Variants in B4GALT1 observed in about 807,000 individuals in gnomAD.
The protein encoded by B4GALT1 is N-acetyllactosamine synthase.
In B4GALT1, 16 loss-of-function variants were observed where a neutral mutation model predicts 34.9. That is an observed-to-expected ratio of 0.46 (90% CI 0.31 to 0.70). The LOEUF is 0.70. Ranked by LOEUF, B4GALT1 falls within the 30% of genes least tolerant of loss-of-function variation. The pLI is 0.05. For synonymous variants in B4GALT1, 221 were observed against 218.1 expected (o/e 1.01, Z -0.12); for missense variants, 445 against 530.5 (o/e 0.84, Z 1.58).
chr9:33,165,971 A>T (rs1159231016), intron 1 of B4GALT1, among the ~76,000 whole-genome samples: 1 of 152,148 alleles, frequency 6.6e-6, no homozygotes, highest in Non-Finnish European at 1.5e-5. Context: ...TTGACTGGTT[A>T]TATTTTAGCC....
intron 2 of B4GALT1, among the ~76,000 whole-genome samples, chr9:33,128,044 T>C (rs1840138395): frequency 6.6e-6 from 1 of 152,006 alleles, no homozygotes; most frequent in Non-Finnish European, 1.5e-5. Flanking sequence ...ACCAGGGTGG[T>C]GGTGGCAGCG....
At chr9:33,126,015 G>A (rs371448762) in intron 2 of B4GALT1, among the ~76,000 whole-genome samples, 4 of 152,144 alleles carry the variant, frequency 2.6e-5, no homozygotes, top group Admixed American at 1.3e-4. Flanking sequence ...GAACTTCTAC[G>A]TGATAAGAGA....
intron 1 of B4GALT1, among the ~76,000 whole-genome samples, chr9:33,140,056 A>G (rs1046737002): frequency 1.3e-5 from 2 of 152,256 alleles, no homozygotes; most frequent in African/African-American, 4.8e-5. Flanking sequence ...AGCTCAATTC[A>G]GACAAATTCC....
intron 1 of B4GALT1, among the ~76,000 whole-genome samples, chr9:33,143,252 G>A (rs961047504): frequency 7.9e-5 from 12 of 152,212 alleles, no homozygotes. Context: ...GGCACAGTGG[G>A]GCCAGGTGCT....
At chr9:33,147,437 G>C (rs1293072270) in intron 1 of B4GALT1, among the ~76,000 whole-genome samples, 1 of 152,048 alleles carries the variant, frequency 6.6e-6, no homozygotes, top group Admixed American at 6.6e-5. Context: ...CATAGAGACA[G>C]GGTTTCACCG....
chr9:33,183,664 G>T, the B4GALT1 span, among the ~76,000 whole-genome samples: 1 of 144,104 alleles, frequency 6.9e-6, no homozygotes, highest in African/African-American at 2.6e-5. Context: ...GATAGCATTG[G>T]GAGATATACC....
At chr9:33,105,559 C>T (rs888857862) in intron 2 of B4GALT1, among the ~76,000 whole-genome samples, 1 of 152,202 alleles carries the variant, frequency 6.6e-6, no homozygotes, top group Admixed American at 6.5e-5. Context: ...CACCACCATC[C>T]ATTTCCAGAA....
upstream of B4GALT1, among the ~76,000 whole-genome samples, chr9:33,171,842 A>G (rs978518781): frequency 1.3e-5 from 2 of 152,212 alleles, no homozygotes; most frequent in African/African-American, 4.8e-5. Flanking sequence ...AGCATGAGCC[A>G]TTTCACCTGG....
At chr9:33,176,258 T>G in the B4GALT1 span, among the ~76,000 whole-genome samples, 1 of 152,360 alleles carries the variant, frequency 6.6e-6, no homozygotes, top group East Asian at 1.9e-4. Flanking sequence ...CTTTTCATGT[T>G]GAACTATCTT....
rs868044064 is a variant in B4GALT1, at chr9:33,113,849, C to A, written c.989G>T (p.Arg330Leu). ...ACACCTCCCGACCACAGCATTTGGGCGAGATATAGACATGCCTCTAAAAAC... is the reference window on the plus strand; with the variant it reads ...ACACCTCCCGACCACAGCATTTGGGAGAGATATAGACATGCCTCTAAAAAC... ...RLVFRGMSIS[R>L]PNAVVGRCRM... Residue 330 changes from arginine (R) to leucine (L), a missense_variant, in exon 5 of 6, where the codon CGC becomes CTC. Physicochemically the swap from Arg to Leu is moderately radical, Grantham distance 102 (BLOSUM62 -2). This residue lies in a region of B4GALT1 where 89 missense variants were observed against 107.6 expected (regional missense o/e 0.83). Transcript: ENST00000379731. 1 of 1,614,104 alleles carries A rather than the reference C, an allele frequency of 6.2e-7. No individual in the cohort carries two copies. The highest frequency in any genetic ancestry group is 8.5e-7 in the Non-Finnish European group (1 of 1,180,018).
At chr9:33,137,052 T>C (rs938388857) in intron 1 of B4GALT1, among the ~76,000 whole-genome samples, 3 of 152,184 alleles carry the variant, frequency 2.0e-5, no homozygotes, top group Non-Finnish European at 4.4e-5. Flanking sequence ...AGGTCCACCA[T>C]CACAGGACCT....
chr9:33,129,700 T>C (rs1455120587), intron 2 of B4GALT1, among the ~76,000 whole-genome samples: 4 of 152,190 alleles, frequency 2.6e-5, no homozygotes, highest in Non-Finnish European at 4.4e-5. Flanking sequence ...CAGAAAGTTC[T>C]GAGCAGCCTG....
At chr9:33,176,309 A>G in the B4GALT1 span, among the ~76,000 whole-genome samples, 1 of 152,170 alleles carries the variant, frequency 6.6e-6, no homozygotes, top group Non-Finnish European at 1.5e-5. Flanking sequence ...ACACTGGTAC[A>G]ATTCTTGTAG....
intron 1 of B4GALT1, among the ~76,000 whole-genome samples, chr9:33,160,690 C>T (rs1433912129): frequency 2.6e-5 from 4 of 151,778 alleles, no homozygotes; most frequent in Non-Finnish European, 5.9e-5. Context: ...TCGCTTAGCC[C>T]GAGAGGTCGA....
At chr9:33,109,314 A>G (rs928135452), downstream of B4GALT1, among the ~76,000 whole-genome samples, 7 of 152,192 alleles carry the variant, frequency 4.6e-5, no homozygotes, top group Non-Finnish European at 8.8e-5. Context: ...AGGGCATGGA[A>G]GCTTCTCTCC....
intron 1 of B4GALT1, among the ~76,000 whole-genome samples, chr9:33,164,963 T>A (rs1414970287): frequency 7.6e-6 from 1 of 131,344 alleles, no homozygotes; most frequent in Non-Finnish European, 1.5e-5. Context: ...GTGTATTGAG[T>A]GCCCGTATTT....
At chr9:33,135,888 GAA>G (rs1840261596) in intron 1 of B4GALT1, among the ~76,000 whole-genome samples, 2 of 121,546 alleles carry the variant, frequency 1.6e-5, no homozygotes, top group African/African-American at 6.1e-5. Context: ...CCTAACTGGG[GAA>G]GTGTGTGTGT....
chr9:33,128,302 A>G (rs1206064562), intron 2 of B4GALT1, among the ~76,000 whole-genome samples: 1 of 152,208 alleles, frequency 6.6e-6, no homozygotes, highest in Non-Finnish European at 1.5e-5. Flanking sequence ...GGTGAGGAAA[A>G]GAGAGGCAAA....
At chr9:33,137,786 G>A (rs1032403626) in intron 1 of B4GALT1, among the ~76,000 whole-genome samples, 1 of 152,144 alleles carries the variant, frequency 6.6e-6, no homozygotes, top group Admixed American at 6.5e-5. Context: ...TAGGGCTTTC[G>A]GGCAAAGAGG....
Sources: gnomAD v4.1 joint callset for allele counts (sites outside exome capture counted in the v4.1 genomes callset) on GRCh38, gnomAD v4.1.1 for gene constraint, gnomAD v4.1.1 regional missense constraint, MANE v1.5 for transcripts, NCBI Gene and HGNC (gene_info 2026-07-23, HGNC 2026-07-21) for gene names.